The following ORC3 variants were observed in gnomAD, a reference collection of about 807,000 sequenced individuals.
ORC3 encodes the protein homolog of latheo, Drosophila.
In ORC3, 78 loss-of-function variants were observed where a neutral mutation model predicts 100.7. That is an observed-to-expected ratio of 0.77 (90% CI 0.65 to 0.94). ORC3 has a LOEUF of 0.94. Among genes scored for constraint, ORC3 ranks in the 40% least tolerant of loss-of-function variants. ORC3 has a pLI of 0.00. For missense variants in ORC3, 789 were observed against 823.9 expected, an observed-to-expected ratio of 0.96 and a Z score of 0.52; for synonymous variants, 295 against 289.3, an observed-to-expected ratio of 1.02 and a Z score of -0.20.
intron 13 of ORC3, 81 bp downstream of exon 13, chr6:87,636,567 CT>C: frequency 1.2e-6 from 1 of 831,616 alleles, no homozygotes; most frequent in Non-Finnish European, 2.0e-6. Context: ...AGAACCCTGC[CT>C]GCCAAAAAGT....
In ORC3 at chr6:87,621,662, A is replaced by G. The variant is rs983947896; in HGVS notation, c.1121+175A>G. 2.6e-5 allele frequency among the ~76,000 whole-genome samples: 4 copies of G among 152,286 alleles called. No individual in the cohort carries two copies. The East Asian group carries it at 7.7e-4, about 29-fold the overall frequency. On this transcript the variant is annotated intron_variant, in intron 10 of 19. Transcript: ENST00000392844. ...TTGGCAAAAAGAAAAGTATTTTTAC[A>G]AAGGGACATAATTTGCAAGTTCTCC...
chr6:87,642,995 T>G (rs1447925243), intron 13 of ORC3, among the ~76,000 whole-genome samples: 1 of 151,992 alleles, frequency 6.6e-6, no homozygotes, highest in Non-Finnish European at 1.5e-5. Context: ...GAAAAGGAAT[T>G]GCCAATCCTG....
At chr6:87,624,645 A>C (rs974480081) in intron 11 of ORC3, among the ~76,000 whole-genome samples, 3 of 152,124 alleles carry the variant, frequency 2.0e-5, no homozygotes, top group African/African-American at 7.2e-5. Flanking sequence ...GCAGTTACTC[A>C]TTAGCTATCT....
At chr6:87,642,638 C>T (rs993361784) in intron 13 of ORC3, among the ~76,000 whole-genome samples, 5 of 150,846 alleles carry the variant, frequency 3.3e-5, no homozygotes, top group Admixed American at 6.6e-5. Flanking sequence ...TGTGGTGGCT[C>T]ACGCCTGTAA....
At chr6:87,620,505 T>C (rs985198658) in intron 9 of ORC3, among the ~76,000 whole-genome samples, 4 of 152,146 alleles carry the variant, frequency 2.6e-5, no homozygotes, top group African/African-American at 9.7e-5. Flanking sequence ...AGCCCAAGAT[T>C]ATTGATTCAT....
intron 9 of ORC3, among the ~76,000 whole-genome samples, chr6:87,616,742 G>A (rs971162482): frequency 1.3e-5 from 2 of 151,902 alleles, no homozygotes; most frequent in African/African-American, 4.8e-5. Flanking sequence ...TTTCTACCAA[G>A]GAAATGCTAT....
chr6:87,667,659 TG>T (rs1490108990), downstream of ORC3, among the ~76,000 whole-genome samples: 3 of 150,334 alleles, frequency 2.0e-5, no homozygotes, highest in African/African-American at 7.3e-5. Flanking sequence ...CCAGGCGTGG[TG>T]GCTCACACCT....
the ORC3 span, among the ~76,000 whole-genome samples, chr6:87,673,489 G>T: frequency 6.6e-6 from 1 of 152,126 alleles, no homozygotes; most frequent in Non-Finnish European, 1.5e-5. Context: ...GACAAAGAAT[G>T]ATCTGGCCCA....
chr6:87,668,562 A>G (rs898880498), downstream of ORC3, among the ~76,000 whole-genome samples: 23 of 152,168 alleles, frequency 1.5e-4, no homozygotes, highest in African/African-American at 3.4e-4. Context: ...TCAGGAATGT[A>G]AAAGGAGGTA....
At chr6:87,614,692 G>C (rs1315666383) in intron 8 of ORC3, among the ~76,000 whole-genome samples, 2 of 152,084 alleles carry the variant, frequency 1.3e-5, no homozygotes, top group Non-Finnish European at 2.9e-5. Flanking sequence ...AAATCTCTGG[G>C]GCAGGGGCAA....
intron 9 of ORC3, among the ~76,000 whole-genome samples, chr6:87,617,600 G>A (rs1779248653): frequency 6.6e-6 from 1 of 151,988 alleles, no homozygotes; most frequent in South Asian, 2.1e-4. Flanking sequence ...CAGGCGTGGT[G>A]GCTTATTTAT....
At chr6:87,611,628 A>G (rs1284290354) in intron 7 of ORC3, among the ~76,000 whole-genome samples, 1 of 152,094 alleles carries the variant, frequency 6.6e-6, no homozygotes, top group Non-Finnish European at 1.5e-5. Flanking sequence ...CTCCACTAAA[A>G]TTAAAAAATT....
intron 11 of ORC3, among the ~76,000 whole-genome samples, chr6:87,629,273 T>C (rs1172086383): frequency 6.6e-6 from 1 of 152,228 alleles, no homozygotes; most frequent in Admixed American, 6.5e-5. Context: ...TACCAGTTTT[T>C]AATGATCAGT....
At chr6:87,605,874 AT>A in intron 4 of ORC3, 42 bp from the exon 5 acceptor site, 1 of 975,512 alleles carries the variant, frequency 1.0e-6, no homozygotes, top group South Asian at 1.4e-5. Context: ...TTAAATTATT[AT>A]TAATAAAAAT....
At chr6:87,672,505 G>C in the ORC3 span, among the ~76,000 whole-genome samples, 2 of 152,192 alleles carry the variant, frequency 1.3e-5, no homozygotes, top group African/African-American at 4.8e-5. Flanking sequence ...ATGTATCCAT[G>C]AGTAGACATA....
At chr6:87,631,767 C>G (rs1356774734) in intron 11 of ORC3, among the ~76,000 whole-genome samples, 2 of 152,040 alleles carry the variant, frequency 1.3e-5, no homozygotes, top group Non-Finnish European at 2.9e-5. Flanking sequence ...GCTGGGATTA[C>G]AGGCGTGAGC....
intron 1 of ORC3, among the ~76,000 whole-genome samples, chr6:87,593,424 TAAAAC>T (rs1481048279): frequency 6.6e-6 from 1 of 152,314 alleles, no homozygotes; most frequent in South Asian, 2.1e-4. Context: ...TAAAGTGACT[TAAAAC>T]AATGCAAAAT....
At chr6:87,609,535 T>A (rs1262980259) in intron 7 of ORC3, 1 of 201,640 alleles carries the variant, frequency 5.0e-6, no homozygotes, top group African/African-American at 2.3e-5. Flanking sequence ...CTACTCCAGG[T>A]TGAGTTTGTT....
At chr6:87,652,829 G>A (rs1276397128) in intron 13 of ORC3, among the ~76,000 whole-genome samples, 1 of 152,122 alleles carries the variant, frequency 6.6e-6, no homozygotes, top group East Asian at 1.9e-4. Context: ...AAGGATCAGA[G>A]ATGTATAATA....
Sources: gnomAD v4.1 joint callset for allele counts (sites outside exome capture counted in the v4.1 genomes callset) on GRCh38, gnomAD v4.1.1 for gene constraint, MANE v1.5 for transcripts, NCBI Gene and HGNC (gene_info 2026-07-23, HGNC 2026-07-21) for gene names.